Variants in LAMB4 observed in about 807,000 individuals in gnomAD.
The protein encoded by LAMB4 is laminin subunit beta-4.
In LAMB4, 196 loss-of-function variants were observed where a neutral mutation model predicts 199.2. That is an observed-to-expected ratio of 0.98 (90% CI 0.88 to 1.11). LAMB4 has a LOEUF of 1.11. Among genes scored for constraint, LAMB4 ranks in the 50% least tolerant of loss-of-function variants. LAMB4 has a pLI of 0.00. For missense variants in LAMB4, 2,080 were observed against 2,171.2 expected (o/e 0.96, Z 0.83); for synonymous variants, 744 against 770.6 (o/e 0.97, Z 0.57).
At chr7:108,072,288 T>G (rs544560380) in intron 17 of LAMB4, among the ~76,000 whole-genome samples, 18 of 152,192 alleles carry the variant, frequency 1.2e-4, no homozygotes, top group Non-Finnish European at 2.4e-4. Context: ...TCTACCTATG[T>G]GAGCCATCTT....
At chr7:108,115,516 T>A (rs901582037) in intron 3 of LAMB4, among the ~76,000 whole-genome samples, 2 of 152,004 alleles carry the variant, frequency 1.3e-5, no homozygotes, top group East Asian at 3.9e-4. Context: ...AAAGACAAAA[T>A]TAAAATTAGC....
chr7:108,107,699 C>T lies in LAMB4; in HGVS notation c.523G>A (p.Ala175Thr). 3 of 1,613,802 alleles carry T rather than the reference C, an allele frequency of 1.9e-6. No individual in the cohort carries two copies. The highest frequency in any genetic ancestry group is 1.7e-6 in the Non-Finnish European group (2 of 1,179,932). ...CAAACAATGTCTCCCACTCCCTGGG[C>T]CTGGCCAGATGTGATGTTAGGAAAG... Reference protein sequence around the residue: ...TSFPNITSGQAQGVGDIVCDS... With the variant: ...TSFPNITSGQTQGVGDIVCDS... The change falls in exon 6 of 34, where the codon GCC (alanine) becomes ACC (threonine). Residue 175 changes from alanine to threonine, a missense_variant. Transcript: ENST00000388781.
chr7:108,092,107 G>A (rs200366915), intron 13 of LAMB4, among the ~76,000 whole-genome samples: 6 of 151,842 alleles, frequency 4.0e-5, no homozygotes, highest in African/African-American at 9.7e-5. Flanking sequence ...CAGGTCACAC[G>A]TATTCAAGCA....
At chr7:108,080,677 T>C (rs1292789020) in intron 14 of LAMB4, among the ~76,000 whole-genome samples, 1 of 152,192 alleles carries the variant, frequency 6.6e-6, no homozygotes, top group Non-Finnish European at 1.5e-5. Context: ...GCAAAATAAG[T>C]AGGACAGAGC....
chr7:108,015,376 G>A, the LAMB4 span, among the ~76,000 whole-genome samples: 11 of 152,168 alleles, frequency 7.2e-5, no homozygotes, highest in Non-Finnish European at 1.6e-4. Flanking sequence ...AAATATTCAG[G>A]CTCTATTTAA....
intron 29 of LAMB4, among the ~76,000 whole-genome samples, chr7:108,042,757 CCA>C (rs2035462883): frequency 6.6e-6 from 1 of 151,592 alleles, no homozygotes; most frequent in African/African-American, 2.4e-5. Context: ...AAAAACAAAC[CCA>C]AAAAACCTTG....
intron 27 of LAMB4, 83 bp from the exon 28 acceptor site, chr7:108,048,194 T>C (rs959481943): frequency 4.5e-5 from 52 of 1,159,212 alleles, no homozygotes; most frequent in Non-Finnish European, 6.0e-5. Context: ...AGACGGAGTT[T>C]GCTCTTGTTG....
chr7:108,043,832 A>C lies in LAMB4; in HGVS notation c.4391T>G (p.Leu1464Arg). The C allele has an allele frequency of 1.2e-6, 2 of 1,609,612 alleles. No homozygotes were observed. Among genetic ancestry groups the C allele is most frequent in the East Asian group, 2.2e-5 (1 of 44,620 alleles). Residue 1464 changes from leucine to arginine, a missense_variant, in exon 29 of 34, where the codon CTG becomes CGG. Transcript: ENST00000388781. ...GTCACTTTGGTTTCTTATATTTCCCAGTTTTTCCCTCAGCTGTAAGGCATT... is the reference window on the plus strand; with the variant it reads ...GTCACTTTGGTTTCTTATATTTCCCCGTTTTTCCCTCAGCTGTAAGGCATT... The part of the protein sequence containing the change: ...KNNALQLREK[L>R]GNIRNQSDSE...
In LAMB4 at chr7:108,037,424, C is replaced by T; in HGVS notation, c.4643G>A (p.Gly1548Glu). ...GGCCTTCACCAAAAGCTTTTGGGCT[C>T]CATCTGCTTCTTCATTTAACCTGTT... Reference protein sequence around the residue: ...DENRLNEEADGAQKLLVKAKA... With the variant: ...DENRLNEEADEAQKLLVKAKA... The change falls in exon 30 of 34, where the codon GGA (glycine) becomes GAA (glutamate). Residue 1548 changes from glycine (G) to glutamate (E), a missense_variant. Physicochemically the swap from Gly to Glu is moderately conservative, Grantham distance 98 (BLOSUM62 -2). Transcript: ENST00000388781. The T allele has an allele frequency of 6.2e-7, 1 of 1,614,154 alleles. No individual in the cohort carries two copies. The highest frequency in any genetic ancestry group is 8.5e-7 in the Non-Finnish European group (1 of 1,180,030).
At chr7:108,049,092 C>T (rs897505353) in intron 27 of LAMB4, among the ~76,000 whole-genome samples, 1 of 151,708 alleles carries the variant, frequency 6.6e-6, no homozygotes, top group Non-Finnish European at 1.5e-5. Context: ...TAAATAATAT[C>T]AAATAATCAA....
At chr7:108,024,234 A>G in intron 33 of LAMB4, 56 bp from the exon 34 acceptor site, 2 of 1,062,232 alleles carry the variant, frequency 1.9e-6, no homozygotes. Context: ...TTCCTGCTGG[A>G]TACCTACATT....
In LAMB4 at chr7:108,037,558, C is replaced by A; in HGVS notation, c.4509G>T (p.Ala1503=). The stretch of plus-strand genomic sequence containing the variant: ...GTAGGTGAATGTCAAGCACACCATT[C>A]GCAACCTTCTCGATGTCTTCTGGAG... The part of the protein sequence containing the change: ...NVPPEDIEKV[A]NGVLDIHLPI... The change falls in exon 30 of 34, where the codon GCG becomes GCT. Residue 1503 remains alanine (A), a synonymous_variant. Transcript: ENST00000388781. The A allele has an allele frequency of 3.1e-6, 5 of 1,614,134 alleles. No individual in the cohort carries two copies. The highest frequency in any genetic ancestry group is 1.1e-5 in the South Asian group (1 of 91,080).
intron 30 of LAMB4, among the ~76,000 whole-genome samples, chr7:108,034,587 T>A (rs746337715): frequency 3.3e-5 from 5 of 152,152 alleles, no homozygotes; most frequent in Non-Finnish European, 7.4e-5. Context: ...TTTTGTTAAA[T>A]ATGGAAATTA....
In LAMB4 at chr7:108,037,369, A is replaced by C. The variant is rs749976317; in HGVS notation, c.4679+19T>G. On this transcript the variant is annotated intron_variant, in intron 30 of 33. Coordinates refer to ENST00000388781, the MANE Select transcript of LAMB4 (RefSeq NM_007356.3). ...GATGGTCTGTTAGAGCAAGATAAGA[A>C]TATTAATACAGTACTTACTCAGCTG... 1.3e-6 allele frequency: 2 copies of C among 1,586,740 alleles called. No homozygotes were observed. The highest frequency in any genetic ancestry group is 4.5e-5 in the East Asian group (2 of 44,774).
intron 14 of LAMB4, among the ~76,000 whole-genome samples, chr7:108,090,354 T>G (rs2150607290): frequency 6.6e-6 from 1 of 152,354 alleles, no homozygotes; most frequent in African/African-American, 2.4e-5. Context: ...CAATCCCACC[T>G]TGAATGCTTT....
chr7:108,074,030 T>G (rs999759246), intron 17 of LAMB4, among the ~76,000 whole-genome samples: 14 of 152,168 alleles, frequency 9.2e-5, no homozygotes, highest in Non-Finnish European at 1.9e-4. Flanking sequence ...GGTTCAACTG[T>G]GTGGTGCAAT....
Position 108,034,204 on chromosome 7 carries a change from A to G in LAMB4, c.4818+4T>C, listed in dbSNP as rs1452602329. 1 of 1,613,848 alleles carries G rather than the reference A, an allele frequency of 6.2e-7. No individual in the cohort carries two copies. The highest frequency in any genetic ancestry group is 8.5e-7 in the Non-Finnish European group (1 of 1,179,934). ...TTCAGGTTAGTTTCAAAGAAGACAA[A>G]TACCTGCAGCACATTCTTTTTTATT... is the stretch of plus-strand genomic sequence containing the variant. On this transcript the variant is annotated splice_donor_region_variant and intron_variant, in intron 31 of 33. Transcript: ENST00000388781.
chr7:108,017,649 A>T, the LAMB4 span, among the ~76,000 whole-genome samples: 1 of 152,218 alleles, frequency 6.6e-6, no homozygotes, highest in East Asian at 1.9e-4. Flanking sequence ...GGAACTCCAG[A>T]AAAAGGGCTT....
downstream of LAMB4, among the ~76,000 whole-genome samples, chr7:108,020,573 TTTTA>T (rs2034672196): frequency 6.6e-6 from 1 of 152,122 alleles, no homozygotes; most frequent in Non-Finnish European, 1.5e-5. Flanking sequence ...CTTTAATTCT[TTTTA>T]TTTATTTATT....
Sources: allele counts gnomAD v4.1 joint callset (sites outside exome capture counted in the v4.1 genomes callset), GRCh38; gene constraint gnomAD v4.1.1; transcripts MANE v1.5; gene names NCBI Gene and HGNC (gene_info 2026-07-23, HGNC 2026-07-21).